The following PRKN variants were observed in gnomAD, a reference collection of about 807,000 sequenced individuals.
PRKN encodes E3 ubiquitin-protein ligase parkin.
A neutral mutation model predicts 59.5 loss-of-function variants in PRKN; 56 were observed. That is an observed-to-expected ratio of 0.94 (90% CI 0.76 to 1.18). The LOEUF is 1.18. PRKN is among the 50% of genes most tolerant of loss of function. The pLI, the probability that PRKN is intolerant of heterozygous loss-of-function variation, is 0.00. For synonymous variants in PRKN, 250 were observed against 222.1 expected, an observed-to-expected ratio of 1.13 and a Z score of -1.12; for missense variants, 657 against 596.4, an observed-to-expected ratio of 1.10 and a Z score of -1.06.
At position 161,456,648 on chromosome 6, in the gene PRKN, G is replaced by A. The variant is rs1789983077; in HGVS notation, c.1084-69771C>T. Among the ~76,000 whole-genome samples the A allele has an allele frequency of 6.6e-6, 1 of 152,108 alleles. No individual in the cohort carries two copies. The highest frequency in any genetic ancestry group is 2.1e-4 in the South Asian group (1 of 4,828). On this transcript the variant is annotated intron_variant, in intron 9 of 11. Transcript: ENST00000366898. The surrounding 1 kb of genome is among the most constrained non-coding windows in gnomAD (Gnocchi z 4.8). ...CTCCCACATCACCAGCTTGAATCCTGCCCAAGAATAAAGAGGATCAAGGAC... is the reference window on the plus strand; with the variant it reads ...CTCCCACATCACCAGCTTGAATCCTACCCAAGAATAAAGAGGATCAAGGAC...
chr6:162,087,773 T>C (rs1212094174), intron 4 of PRKN, among the ~76,000 whole-genome samples: 4 of 151,930 alleles, frequency 2.6e-5, no homozygotes, highest in African/African-American at 9.7e-5. Context: ...TTTCTATTTT[T>C]AGTAGAGACG....
intron 5 of PRKN, among the ~76,000 whole-genome samples, chr6:162,043,194 C>T (rs1261439825): frequency 6.6e-6 from 1 of 152,166 alleles, no homozygotes; most frequent in Non-Finnish European, 1.5e-5. Context: ...ATTCAATGAC[C>T]TCCTTCTGGG....
chr6:161,997,379 G>A (rs1440899827), intron 5 of PRKN, among the ~76,000 whole-genome samples: 1 of 152,036 alleles, frequency 6.6e-6, no homozygotes, highest in Non-Finnish European at 1.5e-5. Context: ...GGACGGCTGG[G>A]AACTTGATCT....
At chr6:162,168,756 G>A in intron 4 of PRKN, among the ~76,000 whole-genome samples, 1 of 151,892 alleles carries the variant, frequency 6.6e-6, no homozygotes, top group East Asian at 1.9e-4. Flanking sequence ...TACAATCATT[G>A]TACACTGAAA....
At chr6:162,421,070 C>G (rs576473276) in intron 2 of PRKN, among the ~76,000 whole-genome samples, 1 of 152,318 alleles carries the variant, frequency 6.6e-6, no homozygotes, top group East Asian at 1.9e-4. Context: ...CTCACCACCG[C>G]TTTCTTATGA....
intron 2 of PRKN, among the ~76,000 whole-genome samples, chr6:162,299,703 C>T (rs925449840): frequency 6.6e-6 from 1 of 151,478 alleles, no homozygotes; most frequent in Non-Finnish European, 1.5e-5. Flanking sequence ...ATATGTGTGT[C>T]TATAGGTCTG....
chr6:161,743,272 T>C lies in PRKN; in HGVS notation c.871+42500A>G, dbSNP rs189519424. Among the ~76,000 whole-genome samples, 329 of 131,916 alleles carry C rather than the reference T, an allele frequency of 2.5e-3. 1 individual carries two copies. The highest frequency in any genetic ancestry group is 8.4e-3 in the African/African-American group (301 of 35,930). The allele number at this position is 131,916 out of a possible 152,430, so 86.5% of individuals were successfully genotyped here. On this transcript the variant is annotated intron_variant, in intron 7 of 11. Coordinates refer to ENST00000366898, the MANE Select transcript of PRKN (RefSeq NM_004562.3). The stretch of plus-strand genomic sequence containing the variant: ...AGTCTCTCTGTCGCCCAGGCTGGAG[T>C]GCAGTGGTGCAATCTCGGCTCACTG...
At chr6:162,284,001 CAT>C (rs1781050457) in intron 2 of PRKN, among the ~76,000 whole-genome samples, 1 of 152,108 alleles carries the variant, frequency 6.6e-6, no homozygotes, top group South Asian at 2.1e-4. Flanking sequence ...AAATTAAAAA[CAT>C]ATATTTAGCC....
At chr6:162,715,888 G>C (rs1277464057) in intron 1 of PRKN, among the ~76,000 whole-genome samples, 1 of 152,174 alleles carries the variant, frequency 6.6e-6, no homozygotes, top group Non-Finnish European at 1.5e-5. Flanking sequence ...TTCTTGGCCT[G>C]CTCAGGAGTC....
chr6:162,501,324 T>G (rs1793358943), intron 1 of PRKN, among the ~76,000 whole-genome samples: 1 of 151,266 alleles, frequency 6.6e-6, no homozygotes, highest in Non-Finnish European at 1.5e-5. Flanking sequence ...ATCTTTAAAC[T>G]TCATTATGTT....
Position 161,694,098 on chromosome 6 carries a change from T to C in PRKN, c.871+91674A>G, listed in dbSNP as rs114816135. On this transcript the variant is annotated intron_variant, in intron 7 of 11. Coordinates refer to ENST00000366898, the MANE Select transcript of PRKN (RefSeq NM_004562.3). ...AATCAGACCTGCATCAGCACGTTGC[T>C]GCTTGACACACGAAAGCCCCTTTGC... Among the ~76,000 whole-genome samples the C allele has an allele frequency of 6.3e-3, 967 of 152,344 alleles. 14 individuals are homozygous for C. Among genetic ancestry groups the C allele is most frequent in the African/African-American group, 0.022 (926 of 41,580 alleles).
chr6:162,011,825 C>G (rs1782733089), intron 5 of PRKN, among the ~76,000 whole-genome samples: 2 of 151,746 alleles, frequency 1.3e-5, no homozygotes, highest in African/African-American at 4.8e-5. Flanking sequence ...TACAAAATAG[C>G]AACTATCAAA....
At chr6:162,184,159 T>G (rs1296910484) in intron 4 of PRKN, among the ~76,000 whole-genome samples, 34 of 152,250 alleles carry the variant, frequency 2.2e-4, no homozygotes, top group African/African-American at 8.2e-4. Flanking sequence ...TGCTAATTAA[T>G]GTACATATCC....
At chr6:161,779,633 CAG>C (rs1790119891) in intron 7 of PRKN, among the ~76,000 whole-genome samples, 1 of 151,614 alleles carries the variant, frequency 6.6e-6, no homozygotes, top group Admixed American at 6.6e-5. Flanking sequence ...TTAGTAGAGA[CAG>C]GGTTTCATCA....
rs534972559 is a variant in PRKN, at chr6:161,550,805, T to G, written c.934-1802A>C. Among the ~76,000 whole-genome samples the G allele has an allele frequency of 6.6e-6, 1 of 151,972 alleles. No homozygotes were observed. The highest frequency in any genetic ancestry group is 2.4e-5 in the African/African-American group (1 of 41,458). ...AATAATTATTTCTATTGTGCTCGTG[T>G]TCAGTTTGATAAGCTATTACACAGC... On this transcript the variant is annotated intron_variant, in intron 8 of 11. Transcript: ENST00000366898. This position sits in a 1 kb window ranked among gnomAD's most constrained non-coding sequence, Gnocchi z 4.0.
At chr6:162,473,397 A>C (rs1236425588) in intron 1 of PRKN, among the ~76,000 whole-genome samples, 1 of 152,156 alleles carries the variant, frequency 6.6e-6, no homozygotes, top group African/African-American at 2.4e-5. Context: ...ACACACTTTG[A>C]ATCAGTTTTG....
chr6:162,556,362 T>TGTGTGTGTGTGCGC lies in PRKN; in HGVS notation c.8-112890_8-112889insGCGCACACACACAC, dbSNP rs1290501783. On this transcript the variant is annotated intron_variant, in intron 1 of 11. Transcript: ENST00000366898. ...CAGCTGGTGTGTGTGTGTGTGTGTG[T>TGTGTGTGTGTGCGC]GTGTGTGTGTGTGTGTGTGTGTGTG... Among the ~76,000 whole-genome samples, 57 of 86,328 alleles carry TGTGTGTGTGTGCGC rather than the reference T, an allele frequency of 6.6e-4. No homozygotes were observed. The East Asian group carries it at 6.8e-3, about 10-fold the overall frequency. The allele number at this position is 86,328 out of a possible 152,430, so 56.6% of individuals were successfully genotyped here.
chr6:161,688,489 A>C (rs572656488), intron 7 of PRKN, among the ~76,000 whole-genome samples: 92 of 152,354 alleles, frequency 6.0e-4, no homozygotes, highest in African/African-American at 2.0e-3. Context: ...AGACTATTGC[A>C]TTTTTAAAAC....
At chr6:161,585,903 CTTATGTATGTA>C in intron 7 of PRKN, among the ~76,000 whole-genome samples, 1 of 152,268 alleles carries the variant, frequency 6.6e-6, no homozygotes, top group Middle Eastern at 3.4e-3. Flanking sequence ...CCAGTAACCT[CTTATGTATGTA>C]TTTATTTTTT....
Sources: allele counts gnomAD v4.1 joint callset (sites outside exome capture counted in the v4.1 genomes callset), GRCh38; gene constraint gnomAD v4.1.1; non-coding constraint Gnocchi (gnomAD v3.1); transcripts MANE v1.5; gene names NCBI Gene and HGNC (gene_info 2026-07-23, HGNC 2026-07-21).